Variants in CYREN observed in about 807,000 individuals in gnomAD.
CYREN encodes the protein cell cycle regulator of non-homologous end joining.
Under a neutral mutation model 9.7 loss-of-function variants are expected in CYREN, and 7 were observed. The ratio of observed to expected loss-of-function variants is 0.72; its 90% CI spans 0.41 to 1.36. The LOEUF is 1.36. CYREN is among the 40% of genes most tolerant of loss of function. CYREN has a pLI of 0.01. For synonymous variants in CYREN, 76 were observed against 77.9 expected (o/e 0.98, Z 0.13); for missense variants, 215 against 198.1 (o/e 1.09, Z -0.51).
chr7:135,129,599 A>G, intron 2 of CYREN: 1 of 773,948 alleles, frequency 1.3e-6, no homozygotes, highest in Admixed American at 1.7e-5. Context: ...ACCCTTACAA[A>G]CATTTCACTG....
rs539648896 is a variant in CYREN, at chr7:135,104,074, C to G, written n.357-9492G>C. Among the ~76,000 whole-genome samples the G allele has an allele frequency of 4.9e-4, 74 of 152,254 alleles. 1 individual carries two copies. The highest frequency in any genetic ancestry group is 1.6e-3 in the African/African-American group (68 of 41,550). On this transcript the variant is annotated intron_variant and non_coding_transcript_variant, in intron 2 of 2. Transcript: ENST00000459937. Reference sequence around the variant, plus strand: ...TGATCCTCTCCCTCCTCCCACCCTTCACCCTCAAGTAGGCCCCAGTGTCTG... The same window carrying G: ...TGATCCTCTCCCTCCTCCCACCCTTGACCCTCAAGTAGGCCCCAGTGTCTG...
At chr7:135,144,035 G>A (rs1460130601) in intron 2 of CYREN, among the ~76,000 whole-genome samples, 5 of 152,124 alleles carry the variant, frequency 3.3e-5, no homozygotes, top group Non-Finnish European at 7.4e-5. Context: ...GGCTGCCAGC[G>A]TTTCTCATCT....
At chr7:135,138,389 G>A (rs531415289) in intron 2 of CYREN, among the ~76,000 whole-genome samples, 2 of 152,102 alleles carry the variant, frequency 1.3e-5, no homozygotes, top group South Asian at 4.1e-4. Flanking sequence ...TAGCAGCAAT[G>A]TTGTAAGGAA....
chr7:135,112,307 T>TA (rs1825757305), intron 2 of CYREN, among the ~76,000 whole-genome samples: 2 of 152,358 alleles, frequency 1.3e-5, no homozygotes, highest in South Asian at 4.1e-4. Flanking sequence ...TTTTCTTGCG[T>TA]AAAATCTTCA....
intron 2 of CYREN, among the ~76,000 whole-genome samples, chr7:135,154,507 T>G (rs1197509982): frequency 1.3e-5 from 2 of 152,244 alleles, no homozygotes; most frequent in Non-Finnish European, 2.9e-5. Flanking sequence ...TAAACTTCCC[T>G]CTTAGCACTT....
chr7:135,099,794 C>T (rs777613579), intron 2 of CYREN, among the ~76,000 whole-genome samples: 2 of 151,356 alleles, frequency 1.3e-5, no homozygotes, highest in Non-Finnish European at 2.9e-5. Flanking sequence ...GGGAAGATTT[C>T]GCTATCCCCA....
At chr7:135,150,289 T>C (rs536036467) in intron 2 of CYREN, among the ~76,000 whole-genome samples, 1 of 152,240 alleles carries the variant, frequency 6.6e-6, no homozygotes, top group Non-Finnish European at 1.5e-5. Context: ...CCTGACCCTA[T>C]AATCTAGTCA....
chr7:135,150,677 C>T (rs913685611), intron 2 of CYREN, among the ~76,000 whole-genome samples: 5 of 152,174 alleles, frequency 3.3e-5, no homozygotes, highest in South Asian at 4.1e-4. Flanking sequence ...TCTTGTGAAT[C>T]TTGGCCGCCC....
In CYREN at chr7:135,105,070, G is replaced by GTTTT. The variant is rs71172498; in HGVS notation, n.357-10492_357-10489dup. On this transcript the variant is annotated intron_variant and non_coding_transcript_variant, in intron 2 of 2. Coordinates refer to the CYREN transcript ENST00000459937. ...TTATAGTTTTGGGTTTTACATTCAA[G>GTTTT]TTTTTTTTTTTTTTTTTGAGATGGA... Among the ~76,000 whole-genome samples the GTTTT allele has an allele frequency of 2.4e-4, 30 of 127,066 alleles. 1 individual carries two copies. The highest frequency in any genetic ancestry group is 4.5e-4 in the East Asian group (2 of 4,486). The allele number at this position is 127,066 out of a possible 152,430, so 83.4% of individuals were successfully genotyped here.
At chr7:135,170,575 G>C (rs1277753151) in intron 1 of CYREN, 77 bp downstream of exon 1, 1 of 152,362 alleles carries the variant, frequency 6.6e-6, no homozygotes, top group Non-Finnish European at 1.5e-5. Flanking sequence ...TCCCGTCTCC[G>C]GCTCTCGTGC....
intron 2 of CYREN, among the ~76,000 whole-genome samples, chr7:135,154,328 A>ATCCTTTG (rs1829735196): frequency 1.3e-5 from 2 of 152,046 alleles, no homozygotes; most frequent in African/African-American, 2.4e-5. Flanking sequence ...AGTTTCATTG[A>ATCCTTTG]TCCTTTGTAA....
intron 2 of CYREN, chr7:135,135,060 T>C: frequency 6.4e-7 from 1 of 1,551,196 alleles, no homozygotes; most frequent in Non-Finnish European, 8.7e-7. Context: ...ACATAAAACC[T>C]CTCAGCAGCA....
chr7:135,107,106 CTTT>C (rs1330614363), intron 2 of CYREN, among the ~76,000 whole-genome samples: 1 of 151,796 alleles, frequency 6.6e-6, no homozygotes, highest in African/African-American at 2.4e-5. Flanking sequence ...CTCTTTTCTT[CTTT>C]ATTAGTCTAG....
At chr7:135,131,104 T>C (rs1461632911) in intron 2 of CYREN, among the ~76,000 whole-genome samples, 1 of 151,952 alleles carries the variant, frequency 6.6e-6, no homozygotes, top group Non-Finnish European at 1.5e-5. Context: ...AAAATAAAAA[T>C]AAATTTAAAA....
upstream of CYREN, among the ~76,000 whole-genome samples, chr7:135,171,846 C>G (rs989625189): frequency 1.3e-5 from 2 of 152,200 alleles, no homozygotes; most frequent in Non-Finnish European, 2.9e-5. Flanking sequence ...AGAGCGCTCC[C>G]GGGTAGGAAA....
At chr7:135,132,883 T>C (rs1828980630) in intron 2 of CYREN, among the ~76,000 whole-genome samples, 1 of 152,142 alleles carries the variant, frequency 6.6e-6, no homozygotes, top group Non-Finnish European at 1.5e-5. Context: ...AGCGTGAGAA[T>C]AGAATAATAC....
intron 2 of CYREN, among the ~76,000 whole-genome samples, chr7:135,134,373 A>G (rs1829189704): frequency 6.6e-6 from 1 of 151,580 alleles, no homozygotes; most frequent in Admixed American, 6.6e-5. Flanking sequence ...TTATTAGTTT[A>G]CAAAAGCTCC....
intron 2 of CYREN, among the ~76,000 whole-genome samples, chr7:135,128,291 C>CAAAAAAAAAAAAAAAAAAAA: frequency 1.7e-5 from 1 of 58,072 alleles, no homozygotes; most frequent in Non-Finnish European, 2.7e-5. Context: ...GACTCCATCT[C>CAAAAAAAAAAAAAAAAAAAA]AAAAAAAAAA....
intron 2 of CYREN, among the ~76,000 whole-genome samples, chr7:135,106,296 T>C (rs1824708362): frequency 6.6e-6 from 1 of 152,196 alleles, no homozygotes; most frequent in African/African-American, 2.4e-5. Context: ...GGCATCCTTG[T>C]CTTGTGCCAG....
Sources: gnomAD v4.1 joint callset for allele counts (sites outside exome capture counted in the v4.1 genomes callset) on GRCh38, gnomAD v4.1.1 for gene constraint, MANE v1.5 for transcripts, NCBI Gene and HGNC (gene_info 2026-07-23, HGNC 2026-07-21) for gene names.